The following CPS1 variants were observed in gnomAD, a reference collection of about 807,000 sequenced individuals.
CPS1 encodes carbamoyl-phosphate synthase [ammonia], mitochondrial.
CPS1 carries 109 observed loss-of-function variants against 174.6 expected under a neutral mutation model. That is an observed-to-expected ratio of 0.62 (90% CI 0.53 to 0.73). CPS1 has a LOEUF of 0.73. Among genes scored for constraint, CPS1 ranks in the 30% least tolerant of loss-of-function variants. The probability of loss-of-function intolerance (pLI) is 0.00; values close to 1 mark genes in which losing one functional copy is unlikely to be tolerated. For synonymous variants in CPS1, 637 were observed against 632.0 expected (o/e 1.01, Z -0.12); for missense variants, 1,689 against 1,821.9 (o/e 0.93, Z 1.33).
chr2:210,539,569 C>T (rs1266791878), intron 1 of CPS1, among the ~76,000 whole-genome samples: 2 of 152,062 alleles, frequency 1.3e-5, no homozygotes, highest in Non-Finnish European at 2.9e-5. Context: ...CCAAGTTTGA[C>T]CTGCTTACCC....
chr2:210,505,906 G>T (rs1695268202), intron 1 of CPS1, among the ~76,000 whole-genome samples: 1 of 152,168 alleles, frequency 6.6e-6, no homozygotes, highest in Non-Finnish European at 1.5e-5. Flanking sequence ...GAACTGGGTG[G>T]AGCCCACCGC....
chr2:210,602,330 G>A lies in CPS1; in HGVS notation c.1836G>A (p.Lys612=). The change falls in exon 16 of 38, where the codon AAG becomes AAA. Residue 612 remains lysine, a splice_region_variant and synonymous_variant. Transcript: ENST00000233072. ...AGACTTTGATGGACCTCAGCACAAAGGTATGTATTTTTGTAGACAATATTC... is the reference window on the plus strand; with the variant it reads ...AGACTTTGATGGACCTCAGCACAAAAGTATGTATTTTTGTAGACAATATTC... The part of the protein sequence containing the change: ...NRETLMDLST[K]AFAMTNQILV... 6.2e-7 allele frequency: 1 copy of A among 1,612,352 alleles called. No homozygotes were observed. Among genetic ancestry groups the A allele is most frequent in the Admixed American group, 1.7e-5 (1 of 59,860 alleles).
intron 1 of CPS1, among the ~76,000 whole-genome samples, chr2:210,540,622 C>G (rs910436077): frequency 3.3e-5 from 5 of 152,162 alleles, no homozygotes; most frequent in Non-Finnish European, 2.9e-5. Flanking sequence ...TGTTTAAATT[C>G]TATCAGCAAA....
At position 210,641,979 on chromosome 2, in the gene CPS1, G is replaced by C. The variant is rs1255471471; in HGVS notation, c.2960-505G>C. The stretch of plus-strand genomic sequence containing the variant: ...AGTTTAAAAGGATATGCTTGGAAAA[G>C]ATAGGACTCTTCAATCAATCAGGAT... On this transcript the variant is annotated intron_variant, in intron 24 of 37. Coordinates refer to ENST00000233072, the MANE Select transcript of CPS1 (RefSeq NM_001875.5). Among the ~76,000 whole-genome samples the C allele has an allele frequency of 2.6e-5, 4 of 152,278 alleles. No individual in the cohort carries two copies. In the East Asian group the frequency reaches 7.8e-4, roughly 30 times the overall value.
chr2:210,560,106 A>G (rs1312818878), intron 1 of CPS1, among the ~76,000 whole-genome samples: 2 of 152,146 alleles, frequency 1.3e-5, no homozygotes. Flanking sequence ...CATCTCTAAG[A>G]AGATATTTCT....
intron 1 of CPS1, among the ~76,000 whole-genome samples, chr2:210,482,539 C>T (rs1290599146): frequency 4.6e-5 from 7 of 151,948 alleles, no homozygotes; most frequent in Non-Finnish European, 7.4e-5. Context: ...CCAAGTGATC[C>T]GCCCGCCTCA....
chr2:210,504,287 G>A (rs1019936897), intron 1 of CPS1, among the ~76,000 whole-genome samples: 15 of 152,066 alleles, frequency 9.9e-5, no homozygotes, highest in African/African-American at 3.6e-4. Flanking sequence ...CAAAACAACC[G>A]ACCAAACAAA....
intron 1 of CPS1, among the ~76,000 whole-genome samples, chr2:210,513,333 C>G (rs2105979021): frequency 6.6e-6 from 1 of 151,776 alleles, no homozygotes; most frequent in Middle Eastern, 3.4e-3. Context: ...ACAGCCTCAC[C>G]AGCATCTGTG....
intron 1 of CPS1, among the ~76,000 whole-genome samples, chr2:210,557,977 G>A (rs957354445): frequency 4.6e-5 from 7 of 151,488 alleles, no homozygotes; most frequent in Non-Finnish European, 8.8e-5. Context: ...TAAAAGAAAA[G>A]GAAGAGAGAT....
chr2:210,584,107 C>T (rs138446682), intron 6 of CPS1, among the ~76,000 whole-genome samples: 9 of 152,112 alleles, frequency 5.9e-5, no homozygotes, highest in South Asian at 2.1e-4. Flanking sequence ...GTTTTTGATC[C>T]GCTTTGAAAC....
chr2:210,591,041 A>AAAAT lies in CPS1; in HGVS notation c.947+163_947+166dup, dbSNP rs544805806. The AAAAT allele has an allele frequency of 4.3e-3, 1,122 of 257,960 alleles. 3 individuals carry two copies. The highest frequency in any genetic ancestry group is 0.017 in the African/African-American group (742 of 42,906). The allele number at this position is 257,960 out of a possible 1,614,324, so 16.0% of individuals were successfully genotyped here. A position where few individuals can be genotyped will look rare whatever the true frequency, so the allele number is the denominator to read the frequency against. ...GTACCCTAAAACTTAAAGTATAATA[A>AAAAT]AAATAAATAAATAAATAAATAAATA... On this transcript the variant is annotated intron_variant, in intron 9 of 37. Coordinates refer to ENST00000233072, the MANE Select transcript of CPS1 (RefSeq NM_001875.5).
At chr2:210,506,058 C>A (rs906708047) in intron 1 of CPS1, among the ~76,000 whole-genome samples, 14 of 152,166 alleles carry the variant, frequency 9.2e-5, no homozygotes, top group African/African-American at 3.1e-4. Context: ...CAGCATGCAG[C>A]TGGAGATCTG....
intron 1 of CPS1, among the ~76,000 whole-genome samples, chr2:210,502,456 C>CAT (rs1695167932): frequency 2.0e-5 from 2 of 101,696 alleles, no homozygotes; most frequent in South Asian, 3.5e-4. Context: ...CTATGAGATA[C>CAT]ATATAGATAT....
intron 1 of CPS1, among the ~76,000 whole-genome samples, chr2:210,524,104 T>C (rs1016650987): frequency 2.6e-5 from 4 of 151,970 alleles, no homozygotes; most frequent in Non-Finnish European, 4.4e-5. Flanking sequence ...ATAACTTCCC[T>C]TCTCCCAGCT....
chr2:210,583,707 G>C (rs1698006536), intron 6 of CPS1, among the ~76,000 whole-genome samples: 1 of 152,118 alleles, frequency 6.6e-6, no homozygotes, highest in Non-Finnish European at 1.5e-5. Flanking sequence ...ACACACTTGG[G>C]CAAGGATAAG....
At chr2:210,534,783 G>A (rs977026239) in intron 1 of CPS1, among the ~76,000 whole-genome samples, 3 of 152,172 alleles carry the variant, frequency 2.0e-5, no homozygotes, top group Non-Finnish European at 4.4e-5. Flanking sequence ...AGTTTATTCA[G>A]TCAAATTCTA....
chr2:210,515,840 T>C (rs1333909550), intron 1 of CPS1, among the ~76,000 whole-genome samples: 1 of 151,954 alleles, frequency 6.6e-6, no homozygotes, highest in Admixed American at 6.6e-5. Context: ...TATTTAGTGC[T>C]ATAATCTTTT....
intron 1 of CPS1, chr2:210,477,788 T>G (rs1694436214): frequency 1.2e-6 from 2 of 1,613,192 alleles, no homozygotes; most frequent in Non-Finnish European, 1.7e-6. Flanking sequence ...GCTGGATATC[T>G]CTCATGTTTT....
chr2:210,505,692 A>G (rs565840844), intron 1 of CPS1, among the ~76,000 whole-genome samples: 1 of 152,186 alleles, frequency 6.6e-6, no homozygotes, highest in Non-Finnish European at 1.5e-5. Context: ...TCCCACCCTA[A>G]CACTTTGCTT....
Sources: gnomAD v4.1 joint callset for allele counts (sites outside exome capture counted in the v4.1 genomes callset) on GRCh38, gnomAD v4.1.1 for gene constraint, MANE v1.5 for transcripts, NCBI Gene and HGNC (gene_info 2026-07-23, HGNC 2026-07-21) for gene names.